DAAM1: variants seen among roughly 807,000 people sequenced by gnomAD.
The protein encoded by DAAM1 is disheveled-associated activator of morphogenesis 1.
Under a neutral mutation model 130.0 loss-of-function variants are expected in DAAM1, and 52 were observed. That is an observed-to-expected ratio of 0.40 (90% confidence interval 0.32 to 0.50). The LOEUF (loss-of-function observed/expected upper bound fraction) is 0.50, where lower values mean the gene tolerates loss of function less well. Among genes scored for constraint, DAAM1 ranks in the 20% least tolerant of loss-of-function variants. The pLI is 0.61. For synonymous variants in DAAM1, 452 were observed against 444.5 expected, an observed-to-expected ratio of 1.02 and a Z score of -0.21; for missense variants, 1,134 against 1,303.8, an observed-to-expected ratio of 0.87 and a Z score of 2.01.
chr14:59,331,542 A>G, intron 14 of DAAM1, 34 bp downstream of exon 14: 1 of 1,549,752 alleles, frequency 6.5e-7, no homozygotes, highest in Non-Finnish European at 8.7e-7. Flanking sequence ...CCTTTAATGG[A>G]TAGCATTAGC....
intron 2 of DAAM1, among the ~76,000 whole-genome samples, chr14:59,274,154 G>A (rs1197656648): frequency 6.6e-6 from 1 of 152,118 alleles, no homozygotes; most frequent in African/African-American, 2.4e-5. Context: ...TCCTGAAAAA[G>A]TTGCAGTATT....
chr14:59,347,291 A>G (rs1332380709), intron 16 of DAAM1, among the ~76,000 whole-genome samples: 1 of 143,460 alleles, frequency 7.0e-6, no homozygotes. Context: ...TCCCTTGCTT[A>G]AGGAAACTAA....
intron 1 of DAAM1, among the ~76,000 whole-genome samples, chr14:59,210,895 G>T (rs1279883004): frequency 6.6e-6 from 1 of 152,130 alleles, no homozygotes; most frequent in African/African-American, 2.4e-5. Context: ...ATATTATAAT[G>T]ATTTATGTGA....
At chr14:59,242,304 CATT>C (rs1256306512) in intron 1 of DAAM1, among the ~76,000 whole-genome samples, 1 of 152,010 alleles carries the variant, frequency 6.6e-6, no homozygotes, top group Non-Finnish European at 1.5e-5. Context: ...TGGTCTTTTC[CATT>C]ATTATATGCC....
intron 1 of DAAM1, among the ~76,000 whole-genome samples, chr14:59,217,861 C>A (rs994367480): frequency 6.6e-6 from 1 of 152,038 alleles, no homozygotes; most frequent in South Asian, 2.1e-4. Flanking sequence ...GTGGTGGGCA[C>A]CTGTAGTCCC....
intron 1 of DAAM1, among the ~76,000 whole-genome samples, chr14:59,207,563 ATGACTT>A (rs1179047913): frequency 6.6e-6 from 1 of 152,246 alleles, no homozygotes; most frequent in Admixed American, 6.5e-5. Context: ...TATGTGAATG[ATGACTT>A]CATCGTGGGT....
chr14:59,275,151 G>T (rs1882908226), intron 2 of DAAM1, among the ~76,000 whole-genome samples: 1 of 152,152 alleles, frequency 6.6e-6, no homozygotes, highest in Admixed American at 6.5e-5. Flanking sequence ...TGCCCACAGG[G>T]ACTTAGGGTA....
intron 2 of DAAM1, among the ~76,000 whole-genome samples, chr14:59,274,674 A>G (rs1216890943): frequency 2.6e-5 from 4 of 152,216 alleles, no homozygotes; most frequent in African/African-American, 9.6e-5. Flanking sequence ...GAATGTATGC[A>G]TGCATGCATG....
chr14:59,230,683 A>G (rs1889077907), intron 1 of DAAM1, among the ~76,000 whole-genome samples: 1 of 150,988 alleles, frequency 6.6e-6, no homozygotes, highest in Non-Finnish European at 1.5e-5. Context: ...TGACAGCATA[A>G]CAGGGTGACT....
chr14:59,262,902 C>T (rs539470819), intron 1 of DAAM1, among the ~76,000 whole-genome samples: 3 of 152,338 alleles, frequency 2.0e-5, no homozygotes, highest in African/African-American at 7.2e-5. Flanking sequence ...CGCTTCCCCT[C>T]ACTTCAGTTA....
At chr14:59,276,977 A>G (rs1301193514) in intron 2 of DAAM1, among the ~76,000 whole-genome samples, 1 of 152,174 alleles carries the variant, frequency 6.6e-6, no homozygotes, top group African/African-American at 2.4e-5. Flanking sequence ...GTAAAGAGTT[A>G]GTTAACTCAT....
intron 23 of DAAM1, among the ~76,000 whole-genome samples, chr14:59,364,054 A>G (rs1159089080): frequency 1.3e-5 from 2 of 152,198 alleles, no homozygotes; most frequent in African/African-American, 4.8e-5. Context: ...AAGGCTCTGA[A>G]TGGTATAAGA....
intron 20 of DAAM1, among the ~76,000 whole-genome samples, chr14:59,358,464 G>A (rs1454437136): frequency 6.6e-6 from 1 of 152,194 alleles, no homozygotes; most frequent in African/African-American, 2.4e-5. Context: ...ATCACATGGT[G>A]GCAGTTATGG....
At chr14:59,268,706 A>C (rs1205621185) in intron 2 of DAAM1, among the ~76,000 whole-genome samples, 1 of 152,208 alleles carries the variant, frequency 6.6e-6, no homozygotes, top group Non-Finnish European at 1.5e-5. Context: ...AATCTCTGCT[A>C]ACCATATATT....
chr14:59,368,981 G>A lies in DAAM1; in HGVS notation c.*122G>A. The A allele has an allele frequency of 2.6e-6, 2 of 761,670 alleles. No individual in the cohort carries two copies. Among genetic ancestry groups the A allele is most frequent in the East Asian group, 2.7e-5 (1 of 37,188 alleles). The allele number at this position is 761,670 out of a possible 1,614,324, so 47.2% of individuals were successfully genotyped here. A position where few individuals can be genotyped will look rare whatever the true frequency, so the allele number is the denominator to read the frequency against. On this transcript the variant is annotated 3_prime_UTR_variant, in exon 25 of 25. Transcript: ENST00000360909. The stretch of plus-strand genomic sequence containing the variant: ...TTTTTTCCTTCATCTGTGAGTGAAT[G>A]TGTGAACGTGTGTATGTAAATGTAT...
At chr14:59,305,147 A>C (rs1884325893) in intron 3 of DAAM1, among the ~76,000 whole-genome samples, 1 of 152,166 alleles carries the variant, frequency 6.6e-6, no homozygotes, top group African/African-American at 2.4e-5. Flanking sequence ...CAAATATGTT[A>C]ATTTACAAAC....
At chr14:59,230,304 C>CTT (rs34764413) in intron 1 of DAAM1, among the ~76,000 whole-genome samples, 4 of 142,324 alleles carry the variant, frequency 2.8e-5, no homozygotes, top group African/African-American at 1.0e-4. Context: ...TGCTTAGAGG[C>CTT]TTTTTTTTTT....
chr14:59,341,233 A>T (rs1885832904), intron 16 of DAAM1, among the ~76,000 whole-genome samples: 3 of 152,202 alleles, frequency 2.0e-5, no homozygotes, highest in African/African-American at 7.2e-5. Flanking sequence ...CCATCCTGTT[A>T]ACATTTTACT....
chr14:59,270,138 G>A (rs1390256271), intron 2 of DAAM1, among the ~76,000 whole-genome samples: 2 of 152,136 alleles, frequency 1.3e-5, no homozygotes, highest in Non-Finnish European at 2.9e-5. Flanking sequence ...GGTAAGTTTT[G>A]TGATAGATGT....
Sources: gnomAD v4.1 joint callset for allele counts (sites outside exome capture counted in the v4.1 genomes callset) on GRCh38, gnomAD v4.1.1 for gene constraint, MANE v1.5 for transcripts, NCBI Gene and HGNC (gene_info 2026-07-23, HGNC 2026-07-21) for gene names.